The following ARPC3 variants were observed in gnomAD, a reference collection of about 807,000 sequenced individuals.
The protein encoded by ARPC3 is actin-related protein 2/3 complex subunit 3.
A neutral mutation model predicts 27.6 loss-of-function variants in ARPC3; 12 were observed. The ratio of observed to expected loss-of-function variants is 0.43; its 90% CI spans 0.28 to 0.70. The LOEUF (loss-of-function observed/expected upper bound fraction) is 0.70, where lower values mean the gene tolerates loss of function less well. Ranked by LOEUF, ARPC3 falls within the 30% of genes least tolerant of loss-of-function variation. The pLI, the probability that ARPC3 is intolerant of heterozygous loss-of-function variation, is 0.17. For missense variants in ARPC3, 153 were observed against 207.7 expected, an observed-to-expected ratio of 0.74 and a Z score of 1.62; for synonymous variants, 53 against 67.2, an observed-to-expected ratio of 0.79 and a Z score of 1.03.
At position 110,434,840 on chromosome 12, in the gene ARPC3, A is replaced by G. The variant is rs2062393326; in HGVS notation, c.*315T>C. ...TTTAAAAGGGCATTATGGAATGTGA[A>G]TTTTATCTCAAAACAAATTGTAAGT... On this transcript the variant is annotated 3_prime_UTR_variant, in exon 7 of 7. Coordinates refer to ENST00000228825, the MANE Select transcript of ARPC3 (RefSeq NM_001278556.2). The G allele has an allele frequency of 3.9e-6, 2 of 507,972 alleles. No homozygotes were observed. The highest frequency in any genetic ancestry group is 3.9e-5 in the African/African-American group (2 of 51,388). 31.5% of individuals were successfully genotyped at this position (507,972 alleles called of 1,614,324 possible). A position where few individuals can be genotyped will look rare whatever the true frequency, so the allele number is the denominator to read the frequency against.
intron 3 of ARPC3, among the ~76,000 whole-genome samples, chr12:110,439,607 C>G (rs375370188): frequency 6.6e-6 from 1 of 152,036 alleles, no homozygotes; most frequent in Non-Finnish European, 1.5e-5. Flanking sequence ...CTGAGGTGAG[C>G]GGATCATGAG....
intron 2 of ARPC3, among the ~76,000 whole-genome samples, chr12:110,441,848 T>C (rs982186731): frequency 6.6e-6 from 1 of 151,536 alleles, no homozygotes; most frequent in African/African-American, 2.4e-5. Flanking sequence ...CTGGCCAACA[T>C]GGTGAAACTG....
At chr12:110,439,008 A>G (rs1309992086) in intron 3 of ARPC3, among the ~76,000 whole-genome samples, 5 of 150,132 alleles carry the variant, frequency 3.3e-5, no homozygotes. Context: ...TTTTTTTTTG[A>G]GACAGTCTTG....
intron 1 of ARPC3, among the ~76,000 whole-genome samples, chr12:110,449,130 C>T (rs1159106598): frequency 6.6e-6 from 1 of 152,098 alleles, no homozygotes; most frequent in African/African-American, 2.4e-5. Flanking sequence ...TATGTATCTC[C>T]TTTATTATGT....
intron 1 of ARPC3, among the ~76,000 whole-genome samples, chr12:110,447,886 CTTTTTTTT>C (rs796202139): frequency 9.3e-6 from 1 of 107,168 alleles, no homozygotes; most frequent in African/African-American, 3.5e-5. Flanking sequence ...ATTTAGAGTC[CTTTTTTTT>C]TTTTTTTTTT....
intron 1 of ARPC3, among the ~76,000 whole-genome samples, chr12:110,447,168 C>A (rs572456491): frequency 6.6e-6 from 1 of 152,296 alleles, no homozygotes; most frequent in African/African-American, 2.4e-5. Context: ...TTGACCAAGA[C>A]ATCATTCTTC....
rs1322751661 is a variant in ARPC3, at chr12:110,434,903, G to A, written c.*252C>T. ...CTGGCAATAAAGTTTTTCTGACATG[G>A]AATGTTAGAAATTTCTTTATTATTA... On this transcript the variant is annotated 3_prime_UTR_variant, in exon 7 of 7. Transcript: ENST00000228825. 1.5e-6 allele frequency: 1 copy of A among 650,880 alleles called. No individual in the cohort carries two copies. The highest frequency in any genetic ancestry group is 2.8e-6 in the Non-Finnish European group (1 of 356,746). The allele number at this position is 650,880 out of a possible 1,614,324, so 40.3% of individuals were successfully genotyped here.
intron 2 of ARPC3, 33 bp from the exon 3 acceptor site, chr12:110,440,421 A>G: frequency 7.0e-7 from 1 of 1,430,368 alleles, no homozygotes; most frequent in South Asian, 1.1e-5. Flanking sequence ...AGCACAGAGA[A>G]CATTAGCCAA....
rs2062395679 is a variant in ARPC3 at position 110,435,180 on chromosome 12, T to C, written c.512A>G (p.Lys171Arg). ...TCFVKRQFMN[K>R]SLSGPGQ ...TCACTGTCCAGGTCCTGAAAGACTC[T>C]TGTTCATGAACTGTCTCTTCACAAA... The change falls in exon 7 of 7, where the codon AAG becomes AGG. Residue 171 changes from lysine to arginine, a missense_variant. By Grantham distance (26) the Lys-to-Arg change is conservative. Transcript: ENST00000228825. The C allele has an allele frequency of 1.2e-6, 2 of 1,614,130 alleles. No individual in the cohort carries two copies. Among genetic ancestry groups the C allele is most frequent in the Non-Finnish European group, 1.7e-6 (2 of 1,180,012 alleles).
chr12:110,435,301 T>A, intron 6 of ARPC3, 84 bp from the exon 7 acceptor site: 1 of 1,075,886 alleles, frequency 9.3e-7, no homozygotes, highest in Non-Finnish European at 1.4e-6. Context: ...AATTTCACAT[T>A]AGTCTGGAAT....
chr12:110,438,395 C>T (rs1035858253), intron 3 of ARPC3, among the ~76,000 whole-genome samples: 4 of 150,454 alleles, frequency 2.7e-5, no homozygotes, highest in Non-Finnish European at 4.4e-5. Flanking sequence ...CTCAGGAGAT[C>T]GAGACCATCC....
intron 2 of ARPC3, chr12:110,443,109 T>C (rs1481124120): frequency 6.6e-6 from 1 of 152,242 alleles, no homozygotes; most frequent in African/African-American, 2.4e-5. Context: ...TAGACTTGTG[T>C]TCCTTGCAAT....
chr12:110,448,296 G>C (rs891190945), intron 1 of ARPC3, among the ~76,000 whole-genome samples: 1 of 152,038 alleles, frequency 6.6e-6, no homozygotes, highest in Non-Finnish European at 1.5e-5. Context: ...TACTTCATAG[G>C]GTCGTTATGA....
Position 110,440,398 on chromosome 12 carries a change from A to G in ARPC3, c.107-10T>C. 6.3e-7 allele frequency: 1 copy of G among 1,592,134 alleles called. No individual in the cohort carries two copies. The highest frequency in any genetic ancestry group is 8.6e-7 in the Non-Finnish European group (1 of 1,160,030). On this transcript the variant is annotated splice_polypyrimidine_tract_variant and intron_variant, in intron 2 of 6. Transcript: ENST00000228825. ...ATATCTGTATCTTTTGCTAAGCAGG[A>G]CACAAGGGAAGGAGCACAGAGAACA...
rs753697539 is a variant in ARPC3 at position 110,435,128 on chromosome 12, T to C, written c.*27A>G. The C allele has an allele frequency of 1.2e-6, 2 of 1,600,234 alleles. No homozygotes were observed. The highest frequency in any genetic ancestry group is 1.7e-6 in the Non-Finnish European group (2 of 1,167,870). On this transcript the variant is annotated 3_prime_UTR_variant, in exon 7 of 7. Coordinates refer to ENST00000228825, the MANE Select transcript of ARPC3 (RefSeq NM_001278556.2). ...TGCTGGAAAATGCTGCCCAGGGCTC[T>C]GGAGACGGTGGCTGCCCGGGCTCCC...
intron 2 of ARPC3, among the ~76,000 whole-genome samples, chr12:110,441,938 A>G (rs2062439721): frequency 6.6e-6 from 1 of 151,678 alleles, no homozygotes; most frequent in South Asian, 2.1e-4. Flanking sequence ...AGGCTAAGGC[A>G]GGAGAATCGC....
chr12:110,445,638 G>T, intron 1 of ARPC3, 87 bp from the exon 2 acceptor site: 1 of 996,374 alleles, frequency 1.0e-6, no homozygotes. Flanking sequence ...AGGAAAAAAA[G>T]AGTAAACCAC....
rs796202139 is a variant in ARPC3 at position 110,447,886 on chromosome 12, C to CTT, written c.7-2337_7-2336dup. Among the ~76,000 whole-genome samples the CTT allele has an allele frequency of 7.8e-3, 839 of 107,084 alleles. 1 individual carries two copies. Among genetic ancestry groups the CTT allele is most frequent in the Middle Eastern group, 0.011 (2 of 174 alleles). The allele number at this position is 107,084 out of a possible 152,430, so 70.3% of individuals were successfully genotyped here. ...GGAACCAGTACAGGGATTTAGAGTC[C>CTT]TTTTTTTTTTTTTTTTTTTTTTTGG... On this transcript the variant is annotated intron_variant, in intron 1 of 6. Coordinates refer to ENST00000228825, the MANE Select transcript of ARPC3 (RefSeq NM_001278556.2).
chr12:110,447,576 C>T (rs923348890), intron 1 of ARPC3, among the ~76,000 whole-genome samples: 4 of 152,102 alleles, frequency 2.6e-5, no homozygotes, highest in South Asian at 4.1e-4. Flanking sequence ...AGATCGAGAC[C>T]ACCCTGACCA....
Sources: gnomAD v4.1 joint callset for allele counts (sites outside exome capture counted in the v4.1 genomes callset) on GRCh38, gnomAD v4.1.1 for gene constraint, MANE v1.5 for transcripts, NCBI Gene and HGNC (gene_info 2026-07-23, HGNC 2026-07-21) for gene names.